MACROD2: variants seen among roughly 807,000 people sequenced by gnomAD.
The protein encoded by MACROD2 is mono-ADP ribosylhydrolase 2.
A neutral mutation model predicts 70.4 loss-of-function variants in MACROD2; 36 were observed. That is an observed-to-expected ratio of 0.51 (90% CI 0.39 to 0.68). The LOEUF (loss-of-function observed/expected upper bound fraction) is 0.68, where lower values mean the gene tolerates loss of function less well. Ranked by LOEUF, MACROD2 falls within the 30% of genes least tolerant of loss-of-function variation. The pLI is 0.00. For synonymous variants in MACROD2, 172 were observed against 178.8 expected (o/e 0.96, Z 0.30); for missense variants, 496 against 538.4 (o/e 0.92, Z 0.78).
At chr20:14,256,004 G>A (rs1428594991) in intron 3 of MACROD2, among the ~76,000 whole-genome samples, 3 of 151,778 alleles carry the variant, frequency 2.0e-5, no homozygotes, top group East Asian at 1.9e-4. Context: ...TATTTGTTTA[G>A]ATTAGTTTTT....
At chr20:15,062,172 A>G (rs969286536) in intron 5 of MACROD2, among the ~76,000 whole-genome samples, 2 of 152,176 alleles carry the variant, frequency 1.3e-5, no homozygotes, top group Non-Finnish European at 2.9e-5. Context: ...GGGAGTGTGC[A>G]TGTTCTCTTA....
intron 7 of MACROD2, among the ~76,000 whole-genome samples, chr20:15,459,390 C>T (rs2146410245): frequency 6.6e-6 from 1 of 152,192 alleles, no homozygotes; most frequent in East Asian, 1.9e-4. Context: ...TTAGCAGAAG[C>T]TGTGTGCTGC....
At chr20:15,900,928 T>C in intron 10 of MACROD2, among the ~76,000 whole-genome samples, 1 of 152,124 alleles carries the variant, frequency 6.6e-6, no homozygotes, top group Non-Finnish European at 1.5e-5. Flanking sequence ...TAAGATGATT[T>C]ATGGAAAACA....
At chr20:15,801,684 G>A (rs2063727934) in intron 8 of MACROD2, among the ~76,000 whole-genome samples, 1 of 151,916 alleles carries the variant, frequency 6.6e-6, no homozygotes, top group Admixed American at 6.6e-5. Flanking sequence ...GGCTATTCAG[G>A]GTCTTTTGTG....
At chr20:15,686,473 A>T (rs1228760519) in intron 8 of MACROD2, among the ~76,000 whole-genome samples, 1 of 152,186 alleles carries the variant, frequency 6.6e-6, no homozygotes, top group Non-Finnish European at 1.5e-5. Context: ...ATATCTACCT[A>T]TCTAGTGCCC....
chr20:14,269,595 A>G (rs1201812347), intron 3 of MACROD2, among the ~76,000 whole-genome samples: 5 of 152,178 alleles, frequency 3.3e-5, no homozygotes, highest in Admixed American at 3.3e-4. Flanking sequence ...CTTTTGTTAT[A>G]TTTGATTTTC....
intron 5 of MACROD2, among the ~76,000 whole-genome samples, chr20:15,168,996 G>C (rs905546030): frequency 6.6e-6 from 1 of 152,130 alleles, no homozygotes; most frequent in Admixed American, 6.6e-5. Flanking sequence ...GTTTAAAAAG[G>C]CTGGAGAGAC....
At chr20:14,862,616 A>AAT (rs71190160) in intron 5 of MACROD2, among the ~76,000 whole-genome samples, 29 of 19,324 alleles carry the variant, frequency 1.5e-3, no homozygotes, top group Non-Finnish European at 2.4e-3. Flanking sequence ...AATATATATA[A>AAT]ATATATATAT....
intron 5 of MACROD2, among the ~76,000 whole-genome samples, chr20:14,735,999 G>C (rs1260312423): frequency 6.6e-6 from 1 of 152,046 alleles, no homozygotes; most frequent in Non-Finnish European, 1.5e-5. Flanking sequence ...ACTGAAAACA[G>C]GTGTTCAAAC....
intron 6 of MACROD2, among the ~76,000 whole-genome samples, chr20:15,306,085 T>A (rs2077695146): frequency 1.3e-5 from 2 of 152,220 alleles, no homozygotes; most frequent in African/African-American, 4.8e-5. Context: ...AGACATTTAG[T>A]TTGTTTCCAA....
chr20:14,717,658 C>A (rs183291235), intron 5 of MACROD2, among the ~76,000 whole-genome samples: 2 of 151,556 alleles, frequency 1.3e-5, no homozygotes, highest in East Asian at 3.9e-4. Flanking sequence ...TTTAACGTGA[C>A]CAATAAGGTG....
intron 5 of MACROD2, among the ~76,000 whole-genome samples, chr20:14,785,628 T>G (rs1038351402): frequency 6.6e-6 from 1 of 152,088 alleles, no homozygotes; most frequent in Non-Finnish European, 1.5e-5. Context: ...CAGGAGGCTG[T>G]AGTAGCCTAA....
intron 8 of MACROD2, among the ~76,000 whole-genome samples, chr20:15,791,256 G>C (rs536062862): frequency 9.9e-5 from 15 of 151,816 alleles, no homozygotes; most frequent in Non-Finnish European, 1.5e-4. Context: ...CTTTTCTTTG[G>C]AATATTTTAA....
intron 5 of MACROD2, among the ~76,000 whole-genome samples, chr20:15,150,365 G>A (rs2076260443): frequency 6.6e-6 from 1 of 152,012 alleles, no homozygotes; most frequent in African/African-American, 2.4e-5. Flanking sequence ...ACAAAAGAGT[G>A]TACAGGTTGG....
rs1453985822 is a variant in MACROD2 at position 15,626,774 on chromosome 20, G to A, written c.645+126927G>A. On this transcript the variant is annotated intron_variant, in intron 8 of 17. Coordinates refer to ENST00000684519, the MANE Select transcript of MACROD2 (RefSeq NM_001351661.2). ...GGAGGCTGAGGCAGGAGAATCTCTTGAACCCAGGAGATGGAGGTTGCAGTG... is the reference window on the plus strand; with the variant it reads ...GGAGGCTGAGGCAGGAGAATCTCTTAAACCCAGGAGATGGAGGTTGCAGTG... Among the ~76,000 whole-genome samples the A allele has an allele frequency of 4.6e-5, 7 of 152,068 alleles. No individual in the cohort carries two copies. In the East Asian group the frequency reaches 1.3e-3, roughly 29 times the overall value.
rs541350077 is a variant in MACROD2 at position 14,371,908 on chromosome 20, A to G, written c.272-121571A>G. 3.3e-5 allele frequency among the ~76,000 whole-genome samples: 5 copies of G among 151,266 alleles called. No individual in the cohort carries two copies. The South Asian group carries it at 6.3e-4, about 19-fold the overall frequency. On this transcript the variant is annotated intron_variant, in intron 3 of 17. Coordinates refer to ENST00000684519, the MANE Select transcript of MACROD2 (RefSeq NM_001351661.2). ...ATCAATTACTCGAGGGCCTTTTCTG[A>G]CCTCCCTTACCACATTAGCTCCCCC... is the stretch of plus-strand genomic sequence containing the variant.
chr20:14,840,594 G>C (rs2073076804), intron 5 of MACROD2, among the ~76,000 whole-genome samples: 1 of 152,032 alleles, frequency 6.6e-6, no homozygotes, highest in African/African-American at 2.4e-5. Context: ...TGTCCAGAGA[G>C]ACTTGGGAGA....
chr20:14,804,319 T>G (rs1194083023), intron 5 of MACROD2, among the ~76,000 whole-genome samples: 1 of 152,086 alleles, frequency 6.6e-6, no homozygotes, highest in Non-Finnish European at 1.5e-5. Context: ...TTTAGATTCT[T>G]TTGTGAAAGG....
intron 5 of MACROD2, among the ~76,000 whole-genome samples, chr20:15,000,617 G>A (rs1437775184): frequency 3.4e-5 from 3 of 88,500 alleles, no homozygotes; most frequent in Non-Finnish European, 3.7e-5. Context: ...GCGACAGAGC[G>A]AGACTCCGTC....
Sources: allele counts gnomAD v4.1 joint callset (sites outside exome capture counted in the v4.1 genomes callset), GRCh38; gene constraint gnomAD v4.1.1; transcripts MANE v1.5; gene names NCBI Gene and HGNC (gene_info 2026-07-23, HGNC 2026-07-21).